Variants in TPST2 observed in about 807,000 individuals in gnomAD.
TPST2 encodes the protein protein-tyrosine sulfotransferase 2.
A neutral mutation model predicts 27.8 loss-of-function variants in TPST2; 16 were observed. The ratio of observed to expected loss-of-function variants is 0.58; its 90% CI spans 0.39 to 0.88. The LOEUF (loss-of-function observed/expected upper bound fraction) is 0.88, where lower values mean the gene tolerates loss of function less well. Ranked by LOEUF, TPST2 falls within the 40% of genes least tolerant of loss-of-function variation. The pLI, the probability that TPST2 is intolerant of heterozygous loss-of-function variation, is 0.00. For missense variants in TPST2, 464 were observed against 543.1 expected (o/e 0.85, Z 1.45); for synonymous variants, 229 against 231.7 (o/e 0.99, Z 0.10).
chr22:26,571,609 G>A (rs575843851), intron 1 of TPST2, among the ~76,000 whole-genome samples: 1 of 152,134 alleles, frequency 6.6e-6, no homozygotes, highest in South Asian at 2.1e-4. Context: ...TAAGGCCACA[G>A]AATCCTGACC....
At chr22:26,565,773 C>A (rs1448228746) in intron 1 of TPST2, 7 of 152,000 alleles carry the variant, frequency 4.6e-5, no homozygotes, top group African/African-American at 1.7e-4. Context: ...ATATTATCAT[C>A]AATCAATATA....
chr22:26,569,482 TA>T (rs1163271590), intron 1 of TPST2, among the ~76,000 whole-genome samples: 1 of 152,156 alleles, frequency 6.6e-6, no homozygotes, highest in African/African-American at 2.4e-5. Context: ...TAGACTTGAA[TA>T]AAAATAGTCT....
chr22:26,531,063 C>T (rs889455698), intron 5 of TPST2, among the ~76,000 whole-genome samples: 9 of 152,110 alleles, frequency 5.9e-5, no homozygotes, highest in African/African-American at 2.2e-4. Context: ...ATACTTCCTG[C>T]CGTGTATGAC....
chr22:26,565,631 T>A (rs1023123285), intron 1 of TPST2: 2 of 152,184 alleles, frequency 1.3e-5, no homozygotes, highest in African/African-American at 2.4e-5. Flanking sequence ...GAATTCTAGC[T>A]CCTTCCTGTA....
At chr22:26,586,397 G>A (rs1010778471) in intron 1 of TPST2, among the ~76,000 whole-genome samples, 3 of 152,062 alleles carry the variant, frequency 2.0e-5, no homozygotes, top group Non-Finnish European at 4.4e-5. Flanking sequence ...ATACAGGCGC[G>A]CACCACCACG....
chr22:26,553,465 T>C (rs1220585600), intron 1 of TPST2, among the ~76,000 whole-genome samples: 1 of 151,290 alleles, frequency 6.6e-6, no homozygotes, highest in African/African-American at 2.4e-5. Flanking sequence ...TTGAAACTCC[T>C]GGTCTCAAAT....
chr22:26,564,677 C>T (rs778824798), intron 1 of TPST2, among the ~76,000 whole-genome samples: 1 of 152,148 alleles, frequency 6.6e-6, no homozygotes. Flanking sequence ...TGCCTTGGGC[C>T]GGTGCTCTGT....
chr22:26,553,851 G>A (rs565188434), intron 1 of TPST2, among the ~76,000 whole-genome samples: 1 of 152,212 alleles, frequency 6.6e-6, no homozygotes, highest in East Asian at 1.9e-4. Context: ...TGCTATGTAG[G>A]TAGTTGTTAC....
chr22:26,530,571 G>A (rs1925095788), intron 5 of TPST2, among the ~76,000 whole-genome samples: 1 of 149,520 alleles, frequency 6.7e-6, no homozygotes, highest in Non-Finnish European at 1.5e-5. Context: ...GGTGGAGGTT[G>A]CAGTGGGCTG....
chr22:26,551,695 T>TCCCC (rs1436743291), intron 1 of TPST2, among the ~76,000 whole-genome samples: 26 of 151,926 alleles, frequency 1.7e-4, no homozygotes, highest in Admixed American at 1.7e-3. Flanking sequence ...ACATCCTGGC[T>TCCCC]CCCCCACTCA....
Position 26,541,294 on chromosome 22 carries a change from A to C in TPST2, c.337T>G (p.Trp113Gly). 6.5e-7 allele frequency: 1 copy of C among 1,539,514 alleles called. No individual in the cohort carries two copies. The highest frequency in any genetic ancestry group is 8.8e-7 in the Non-Finnish European group (1 of 1,141,650). Residue 113 changes from tryptophan to glycine, a missense_variant, in exon 3 of 7, where the codon TGG becomes GGG. Trp to Gly is a radical substitution (Grantham distance 184). Coordinates refer to ENST00000338754, the MANE Select transcript of TPST2 (RefSeq NM_003595.5). The surrounding 1 kb of genome is among the most constrained non-coding windows in gnomAD (Gnocchi z 5.9). Reference protein sequence around the residue: ...IPRVLAMRQAWSKSGREKLRL... With the variant: ...IPRVLAMRQAGSKSGREKLRL... ...AGCTTCTCACGGCCAGACTTGGACC[A>C]GGCCTGGCGCATGGCCAGCACGCGC... is the stretch of plus-strand genomic sequence containing the variant.
At chr22:26,548,780 A>G (rs1338589691) in intron 1 of TPST2, among the ~76,000 whole-genome samples, 1 of 149,450 alleles carries the variant, frequency 6.7e-6, no homozygotes, top group Admixed American at 6.7e-5. Flanking sequence ...TGGGCAACAA[A>G]GTGAGACCCC....
In TPST2 at chr22:26,533,437, A is replaced by G. The variant is rs79091450; in HGVS notation, c.1042-692T>C. Among the ~76,000 whole-genome samples the G allele has an allele frequency of 8.1e-3, 1,236 of 152,172 alleles. 16 individuals are homozygous for G. The highest frequency in any genetic ancestry group is 0.028 in the African/African-American group (1,179 of 41,522). On this transcript the variant is annotated intron_variant, in intron 4 of 6. Coordinates refer to ENST00000338754, the MANE Select transcript of TPST2 (RefSeq NM_003595.5). ...CCTGTCTCTAAGAAAGTGAATAAAT[A>G]AAAATAAAAAGGGCCTCTTGAAATA...
At chr22:26,566,461 G>A (rs1359081490) in intron 1 of TPST2, among the ~76,000 whole-genome samples, 3 of 151,932 alleles carry the variant, frequency 2.0e-5, no homozygotes, top group Non-Finnish European at 4.4e-5. Context: ...GCTGAGGCAG[G>A]AGAATCACTT....
At chr22:26,546,068 C>A (rs550555706) in intron 1 of TPST2, among the ~76,000 whole-genome samples, 14 of 148,840 alleles carry the variant, frequency 9.4e-5, no homozygotes, top group Middle Eastern at 3.4e-3. Flanking sequence ...CAGAGCAAGA[C>A]CACGTCTCAA....
At chr22:26,581,015 T>TAC (rs1379078547) in intron 1 of TPST2, among the ~76,000 whole-genome samples, 20 of 39,688 alleles carry the variant, frequency 5.0e-4, no homozygotes, top group African/African-American at 1.6e-3. Flanking sequence ...ACCCTCAACA[T>TAC]ACATACACAC....
chr22:26,551,866 C>CCTTTT (rs1448969042), intron 1 of TPST2, among the ~76,000 whole-genome samples: 1 of 122,170 alleles, frequency 8.2e-6, no homozygotes. Flanking sequence ...TAATTCTTTT[C>CCTTTT]CTTTTCTTTT....
chr22:26,544,691 A>T lies in TPST2; in HGVS notation c.-160-16T>A, dbSNP rs1178483773. The T allele has an allele frequency of 1.0e-6, 1 of 985,808 alleles. No individual in the cohort carries two copies. Among genetic ancestry groups the T allele is most frequent in the African/African-American group, 1.7e-5 (1 of 57,238 alleles). 61.1% of individuals were successfully genotyped at this position (985,808 alleles called of 1,614,324 possible). A position where few individuals can be genotyped will look rare whatever the true frequency, so the allele number is the denominator to read the frequency against. On this transcript the variant is annotated splice_polypyrimidine_tract_variant and intron_variant, in intron 1 of 6. Transcript: ENST00000338754. Reference sequence around the variant, plus strand: ...TGGCAGAGCCCTGGAGAGGCAAAGGAGATATTGCATCAGGGATGGGCACTG... The same window carrying T: ...TGGCAGAGCCCTGGAGAGGCAAAGGTGATATTGCATCAGGGATGGGCACTG...
At chr22:26,562,935 C>G (rs1195258378) in intron 1 of TPST2, among the ~76,000 whole-genome samples, 1 of 152,066 alleles carries the variant, frequency 6.6e-6, no homozygotes, top group Non-Finnish European at 1.5e-5. Flanking sequence ...TCGGTAATGT[C>G]CAGAGATAGT....
Sources: gnomAD v4.1 joint callset for allele counts (sites outside exome capture counted in the v4.1 genomes callset) on GRCh38, gnomAD v4.1.1 for gene constraint, Gnocchi (gnomAD v3.1) non-coding constraint, MANE v1.5 for transcripts, NCBI Gene and HGNC (gene_info 2026-07-23, HGNC 2026-07-21) for gene names.